The following SLC8A1 variants were observed in gnomAD, a reference collection of about 807,000 sequenced individuals.
SLC8A1 encodes the protein solute carrier family 8 member A1, also known as sodium/calcium exchanger 1.
SLC8A1 carries 18 observed loss-of-function variants against 68.3 expected under a neutral mutation model. That is an observed-to-expected ratio of 0.26 (90% CI 0.18 to 0.39). The LOEUF (loss-of-function observed/expected upper bound fraction) is 0.39. Ranked by LOEUF, SLC8A1 falls within the 10% of genes least tolerant of loss-of-function variation. The pLI, the probability that SLC8A1 is intolerant of heterozygous loss-of-function variation, is 1.00. For missense variants in SLC8A1, 985 were observed against 1,156.7 expected, an observed-to-expected ratio of 0.85 and a Z score of 2.15; for synonymous variants, 475 against 415.5, an observed-to-expected ratio of 1.14 and a Z score of -1.74.
rs561829178 is a variant in SLC8A1, at chr2:40,115,211, T to A, written c.*42A>T. On this transcript the variant is annotated 3_prime_UTR_variant, in exon 8 of 8. Coordinates refer to ENST00000406785, the Ensembl canonical transcript of SLC8A1. Reference sequence around the variant, plus strand: ...GTCCATTATACATAATTTTTATGTATATATATGTATATATATAAATTTACT... The same window carrying A: ...GTCCATTATACATAATTTTTATGTAAATATATGTATATATATAAATTTACT... The A allele has an allele frequency of 8.6e-5, 115 of 1,341,698 alleles. No homozygotes were observed. In the African/African-American group the frequency reaches 1.6e-3, roughly 19 times the overall value. 83.1% of individuals were successfully genotyped at this position (1,341,698 alleles called of 1,614,324 possible).
chr2:40,137,530 A>G (rs1255120582), intron 7 of SLC8A1, among the ~76,000 whole-genome samples: 3 of 152,186 alleles, frequency 2.0e-5, no homozygotes, highest in African/African-American at 4.8e-5. Flanking sequence ...GGACTCCAAC[A>G]TATTTTCCTA....
chr2:40,221,614 A>G (rs1056090112), intron 2 of SLC8A1, among the ~76,000 whole-genome samples: 53 of 152,214 alleles, frequency 3.5e-4, no homozygotes, highest in African/African-American at 1.3e-3. Flanking sequence ...AGATGACATG[A>G]TTGTATATTT....
At chr2:40,414,940 T>C (rs1050565782) in intron 2 of SLC8A1, among the ~76,000 whole-genome samples, 1 of 152,148 alleles carries the variant, frequency 6.6e-6, no homozygotes, top group African/African-American at 2.4e-5. Flanking sequence ...GTTGGCAATA[T>C]TGGGAAAGAA....
At chr2:40,372,135 A>T (rs1420520611) in intron 2 of SLC8A1, among the ~76,000 whole-genome samples, 3 of 152,170 alleles carry the variant, frequency 2.0e-5, no homozygotes, top group Admixed American at 2.0e-4. Flanking sequence ...AGAAATATTT[A>T]TAATAATCAC....
chr2:40,430,386 T>G, intron 1 of SLC8A1, 82 bp from the exon 2 acceptor site: 4 of 1,372,098 alleles, frequency 2.9e-6, no homozygotes, highest in Non-Finnish European at 3.9e-6. Context: ...AATTACTTAT[T>G]TTTATTACTC....
intron 1 of SLC8A1, among the ~76,000 whole-genome samples, chr2:40,479,478 AT>A (rs1704495669): frequency 6.6e-6 from 1 of 152,192 alleles, no homozygotes; most frequent in African/African-American, 2.4e-5. Flanking sequence ...ATAACAATTT[AT>A]ATCTTGGTCA....
At chr2:40,191,340 C>T (rs1416347954) in intron 2 of SLC8A1, among the ~76,000 whole-genome samples, 3 of 151,770 alleles carry the variant, frequency 2.0e-5, no homozygotes, top group African/African-American at 7.2e-5. Flanking sequence ...CTTAAAAAAA[C>T]ATCAGTTATC....
chr2:40,394,316 T>G (rs895133320), intron 2 of SLC8A1, among the ~76,000 whole-genome samples: 1 of 152,102 alleles, frequency 6.6e-6, no homozygotes, highest in African/African-American at 2.4e-5. Flanking sequence ...TTGTTCTAAC[T>G]TGGGTATTTC....
intron 2 of SLC8A1, among the ~76,000 whole-genome samples, chr2:40,353,617 T>C (rs1287332069): frequency 1.3e-5 from 2 of 152,144 alleles, no homozygotes; most frequent in African/African-American, 4.8e-5. Context: ...ATTTTAAGCA[T>C]GTTATAATTC....
At chr2:40,391,635 A>G (rs745690181) in intron 2 of SLC8A1, among the ~76,000 whole-genome samples, 2 of 152,016 alleles carry the variant, frequency 1.3e-5, no homozygotes, top group Non-Finnish European at 2.9e-5. Context: ...AAGTCTTCTG[A>G]GACTAGAAGA....
chr2:40,447,818 T>C (rs1701730286), intron 1 of SLC8A1, among the ~76,000 whole-genome samples: 2 of 152,226 alleles, frequency 1.3e-5, no homozygotes, highest in Admixed American at 1.3e-4. Flanking sequence ...GACTGCTGCC[T>C]GCAATGCACT....
At chr2:40,398,726 G>A (rs1279594491) in intron 2 of SLC8A1, among the ~76,000 whole-genome samples, 2 of 152,076 alleles carry the variant, frequency 1.3e-5, no homozygotes, top group Non-Finnish European at 2.9e-5. Flanking sequence ...ATTTCCTTGT[G>A]ATTTTCATAA....
chr2:40,377,045 G>C (rs914272632), intron 2 of SLC8A1, among the ~76,000 whole-genome samples: 5 of 152,040 alleles, frequency 3.3e-5, no homozygotes, highest in African/African-American at 1.2e-4. Context: ...TCACTCCTAA[G>C]ACTGGGCTAT....
chr2:40,343,566 G>A (rs1386839371), intron 2 of SLC8A1, among the ~76,000 whole-genome samples: 1 of 152,166 alleles, frequency 6.6e-6, no homozygotes, highest in Non-Finnish European at 1.5e-5. Flanking sequence ...ATAAATGTCA[G>A]CCTTGTATGT....
intron 2 of SLC8A1, among the ~76,000 whole-genome samples, chr2:40,249,314 C>G (rs1205156030): frequency 6.6e-6 from 1 of 151,940 alleles, no homozygotes; most frequent in Non-Finnish European, 1.5e-5. Flanking sequence ...ACTTTCAAAA[C>G]CTTTTGAAAT....
At chr2:40,175,141 AAAC>A in intron 3 of SLC8A1, 117 bp downstream of exon 4, 1 of 1,058,098 alleles carries the variant, frequency 9.5e-7, no homozygotes, top group Non-Finnish European at 1.4e-6. Context: ...CAATGGCCCT[AAAC>A]AACAATCTTG....
chr2:40,325,409 C>A (rs543469109), intron 2 of SLC8A1, among the ~76,000 whole-genome samples: 5 of 152,286 alleles, frequency 3.3e-5, no homozygotes, highest in African/African-American at 9.6e-5. Flanking sequence ...AGATAAATAA[C>A]TGGGCTAATG....
chr2:40,426,473 T>C (rs1696877908), intron 2 of SLC8A1, among the ~76,000 whole-genome samples: 1 of 152,054 alleles, frequency 6.6e-6, no homozygotes, highest in Admixed American at 6.6e-5. Context: ...GAATAAGTTA[T>C]TCTATCAAAT....
chr2:40,408,878 A>G (rs1691224265), intron 2 of SLC8A1, among the ~76,000 whole-genome samples: 1 of 152,152 alleles, frequency 6.6e-6, no homozygotes, highest in Non-Finnish European at 1.5e-5. Flanking sequence ...AAAGACACTG[A>G]AATAGAAAAA....
Sources: gnomAD v4.1 joint callset for allele counts (sites outside exome capture counted in the v4.1 genomes callset) on GRCh38, gnomAD v4.1.1 for gene constraint, MANE v1.5 for transcripts, NCBI Gene and HGNC (gene_info 2026-07-23, HGNC 2026-07-21) for gene names.